Variants in TMC4 observed in about 807,000 individuals in gnomAD.
TMC4 encodes transmembrane channel like 4, also known as voltage-gated chloride channel TMC4.
TMC4 carries 70 observed loss-of-function variants against 82.0 expected under a neutral mutation model. That is an observed-to-expected ratio of 0.85 (90% confidence interval 0.70 to 1.04). The LOEUF is 1.04. TMC4 is among the 50% of genes least tolerant of loss of function. The pLI is 0.00. For missense variants in TMC4, 879 were observed against 899.0 expected, an observed-to-expected ratio of 0.98 and a Z score of 0.28; for synonymous variants, 446 against 406.0, an observed-to-expected ratio of 1.10 and a Z score of -1.18.
chr19:54,165,070 CTTTT>C (rs34861271), intron 6 of TMC4, among the ~76,000 whole-genome samples: 2 of 136,044 alleles, frequency 1.5e-5, no homozygotes, highest in Admixed American at 7.3e-5. Context: ...AAAAAACAAA[CTTTT>C]TTTTTTTTTT....
Position 54,162,757 on chromosome 19 carries a change from A to G in TMC4, c.1418T>C (p.Val473Ala). The G allele has an allele frequency of 1.9e-6, 3 of 1,614,022 alleles. No individual in the cohort carries two copies. The highest frequency in any genetic ancestry group is 1.7e-5 in the Admixed American group (1 of 60,004). ...AAGTTTGTACATTTCCTGGCCCAGG[A>G]CAGTCTCCCAGCACTGAAGAAGGAA... is the stretch of plus-strand genomic sequence containing the variant. ...NYKQLPCWET[V>A]LGQEMYKLLL... Residue 473 changes from valine to alanine, a missense_variant, in exon 10 of 15, where the codon GTC becomes GCC. Transcript: ENST00000619895.
At chr19:54,171,782 A>AGAGG (rs2075895638) in intron 2 of TMC4, 88 bp downstream of exon 2, 1 of 1,245,088 alleles carries the variant, frequency 8.0e-7, no homozygotes, top group East Asian at 2.6e-5. Flanking sequence ...CAGGAGCGGC[A>AGAGG]GAGGACAGAG....
intron 6 of TMC4, among the ~76,000 whole-genome samples, chr19:54,164,947 T>G (rs1357648417): frequency 6.6e-6 from 1 of 152,028 alleles, no homozygotes; most frequent in Non-Finnish European, 1.5e-5. Flanking sequence ...TGCGCTTTAT[T>G]CCTGGCCTGA....
Position 54,163,109 on chromosome 19 carries a change from C to G in TMC4, c.1328G>C (p.Trp443Ser), listed in dbSNP as rs2075608452. Residue 443 changes from tryptophan (W) to serine (S), a missense_variant, in exon 9 of 15, where the codon TGG (tryptophan) becomes TCG (serine). Coordinates refer to ENST00000619895, the MANE Select transcript of TMC4 (RefSeq NM_144686.4). ...GTCGCCCCCACAAGTGATCTGATTC[C>G]AGAGAGAGAAGAGCAGGACCACCAG... Reference protein sequence around the residue: ...ASLVVLLFSLWNQITCGGDSE... With the variant: ...ASLVVLLFSLSNQITCGGDSE... 6.8e-6 allele frequency: 11 copies of G among 1,613,840 alleles called. No individual in the cohort carries two copies. The highest frequency in any genetic ancestry group is 2.2e-5 in the East Asian group (1 of 44,820).
intron 11 of TMC4, 60 bp downstream of exon 11, chr19:54,162,042 C>A: frequency 6.8e-7 from 1 of 1,466,930 alleles, no homozygotes. Context: ...TGCCCTTGAC[C>A]CAGGAGTGCG....
At position 54,163,850 on chromosome 19, in the gene TMC4, A is replaced by G. The variant is rs1481079375; in HGVS notation, c.1151T>C (p.Leu384Pro). Residue 384 changes from leucine (L) to proline (P), a missense_variant, in exon 8 of 15, where the codon CTT becomes CCT. Transcript: ENST00000619895. Reference sequence around the variant, plus strand: ...GATGGACGGAAGGTAATTCACCCCAAGCTTCAGCAGTGGCAACTCCTGGAC... The same window carrying G: ...GATGGACGGAAGGTAATTCACCCCAGGCTTCAGCAGTGGCAACTCCTGGAC... ...PLVQELPLLK[L>P]GVNYLPSIFI... 2 of 1,613,910 alleles carry G rather than the reference A, an allele frequency of 1.2e-6. No individual in the cohort carries two copies. Among genetic ancestry groups the G allele is most frequent in the African/African-American group, 1.3e-5 (1 of 74,856 alleles).
At chr19:54,172,127 C>T (rs769489502) in intron 1 of TMC4, 44 bp from the exon 2 acceptor site, 22 of 1,470,936 alleles carry the variant, frequency 1.5e-5, no homozygotes, top group Non-Finnish European at 1.9e-5. Context: ...AGTCTGGGCC[C>T]TAATTCCTCC....
chr19:54,160,697 A>G (rs895467609), intron 13 of TMC4, 152 bp from the exon 14 acceptor site: 65 of 1,449,964 alleles, frequency 4.5e-5, no homozygotes, highest in Non-Finnish European at 5.8e-5. Context: ...CTTCAGATCC[A>G]GGAGTCCTAC....
intron 12 of TMC4, 47 bp from the exon 13 acceptor site, chr19:54,161,080 A>G (rs1187315429): frequency 2.5e-6 from 4 of 1,610,112 alleles, no homozygotes; most frequent in Non-Finnish European, 3.4e-6. Flanking sequence ...GAGTCTGAAC[A>G]CTGAATGGGG....
intron 6 of TMC4, chr19:54,164,862 T>C (rs1040572355): frequency 8.9e-6 from 5 of 561,390 alleles, no homozygotes; most frequent in African/African-American, 5.7e-5. Flanking sequence ...GCCCCGCCCC[T>C]GAGGCTCCGC....
intron 5 of TMC4, among the ~76,000 whole-genome samples, chr19:54,167,813 A>G (rs2075741852): frequency 6.6e-6 from 1 of 151,930 alleles, no homozygotes; most frequent in African/African-American, 2.4e-5. Flanking sequence ...CTGTAATCCC[A>G]GCACTGTGGG....
chr19:54,169,339 C>T (rs541678172), intron 3 of TMC4, among the ~76,000 whole-genome samples, 173 bp downstream of exon 3: 3 of 151,596 alleles, frequency 2.0e-5, no homozygotes, highest in East Asian at 3.9e-4. Flanking sequence ...CAGGCCCAGC[C>T]GTGCCTTTCT....
chr19:54,164,478 A>G lies in TMC4; in HGVS notation c.1069T>C (p.Phe357Leu), dbSNP rs769872111. The change falls in exon 7 of 15, where the codon TTC becomes CTC. Residue 357 changes from phenylalanine to leucine, a missense_variant. By Grantham distance (22) the Phe-to-Leu change is conservative (BLOSUM62 0). Coordinates refer to ENST00000619895, the MANE Select transcript of TMC4 (RefSeq NM_144686.4). ...LLVVALLGAA[F>L]YGVYWATGCT... ...CCCGTAGCCCAGTAGACGCCATAGA[A>G]GGCTGCCCCCAGGAGCGCGACCACC... 102 of 1,613,740 alleles carry G rather than the reference A, an allele frequency of 6.3e-5. No individual in the cohort carries two copies. Among genetic ancestry groups the G allele is most frequent in the Non-Finnish European group, 8.5e-5 (100 of 1,179,986 alleles).
Position 54,171,981 on chromosome 19 carries a change from T to A in TMC4, c.182A>T (p.Glu61Val), listed in dbSNP as rs770868207. ...GGCCTTTCTGCTCCTTCCTCCATCC[T>A]CCTCCTCCTCCTCCAGCGCCCCCCA... The part of the protein sequence containing the change: ...LPWGALEEEE[E>V]DGGRSRKAFT... Residue 61 changes from glutamate to valine, a missense_variant, in exon 2 of 15, where the codon GAG becomes GTG. By Grantham distance (121) the Glu-to-Val change is moderately radical. Transcript: ENST00000619895. The A allele has an allele frequency of 4.3e-6, 7 of 1,611,498 alleles. No individual in the cohort carries two copies. In the South Asian group the frequency reaches 7.7e-5, roughly 18 times the overall value.
rs772177455 is a variant in TMC4 at position 54,162,722 on chromosome 19, C to G, written c.1453G>C (p.Asp485His). The change falls in exon 10 of 15, where the codon GAT becomes CAT. Residue 485 changes from aspartate (D) to histidine (H), a missense_variant. Asp to His is a moderately conservative substitution (Grantham distance 81). Transcript: ENST00000619895. Reference sequence around the variant, plus strand: ...GCGACTGCCAAGACAGTCAGCAGATCAAAGAGCAGAAGTTTGTACATTTCC... The same window carrying G: ...GCGACTGCCAAGACAGTCAGCAGATGAAAGAGCAGAAGTTTGTACATTTCC... ...GQEMYKLLLF[D>H]LLTVLAVALL... 1.9e-6 allele frequency: 3 copies of G among 1,614,108 alleles called. No homozygotes were observed. In the Admixed American group the frequency reaches 5.0e-5, roughly 27 times the overall value.
rs534633248 is a variant in TMC4 at position 54,169,391 on chromosome 19, C to T, written c.442+121G>A. 155 of 1,355,534 alleles carry T rather than the reference C, an allele frequency of 1.1e-4. No individual in the cohort carries two copies. In the East Asian group the frequency reaches 3.8e-3, roughly 34 times the overall value. 84.0% of individuals were successfully genotyped at this position (1,355,534 alleles called of 1,614,324 possible). On this transcript the variant is annotated intron_variant, in intron 3 of 14. Transcript: ENST00000619895. ...GACCCCCAGCCCCTCCTCCCTCAGA[C>T]CCAAAAATCCAGGCCCAAGCCCCTC...
At position 54,164,594 on chromosome 19, in the gene TMC4, A is replaced by C; in HGVS notation, c.953T>G (p.Leu318Arg). The C allele has an allele frequency of 6.2e-7, 1 of 1,613,224 alleles. No homozygotes were observed. The highest frequency in any genetic ancestry group is 8.5e-7 in the Non-Finnish European group (1 of 1,179,962). ...CTGGCGCCGCACCACTGTCTCCTCC[A>C]GCTCCACCTGAAGGCAGGAGAGATG... ...RIILYELKVE[L>R]EETVVRRQAA... The change falls in exon 7 of 15, where the codon CTG (leucine) becomes CGG (arginine). Residue 318 changes from leucine (L) to arginine (R), a missense_variant. Leu to Arg is a moderately radical substitution (Grantham distance 102). Coordinates refer to ENST00000619895, the MANE Select transcript of TMC4 (RefSeq NM_144686.4).
intron 2 of TMC4, 22 bp from the exon 3 acceptor site, chr19:54,169,682 A>T (rs774058442): frequency 1.2e-6 from 2 of 1,611,684 alleles, no homozygotes; most frequent in South Asian, 1.1e-5. Flanking sequence ...ACAGGCAGAA[A>T]ATGAGGGGTT....
chr19:54,167,527 C>T (rs1307163785), intron 5 of TMC4, among the ~76,000 whole-genome samples: 1 of 151,108 alleles, frequency 6.6e-6, no homozygotes, highest in Non-Finnish European at 1.5e-5. Flanking sequence ...CCATTGCACT[C>T]CAGCCTGGGC....
Sources: allele counts gnomAD v4.1 joint callset (sites outside exome capture counted in the v4.1 genomes callset), GRCh38; gene constraint gnomAD v4.1.1; transcripts MANE v1.5; gene names NCBI Gene and HGNC (gene_info 2026-07-23, HGNC 2026-07-21).